The following CPSF6 variants were observed in gnomAD, a reference collection of about 807,000 sequenced individuals.
CPSF6 encodes the protein cleavage and polyadenylation specific factor 6.
A neutral mutation model predicts 56.7 loss-of-function variants in CPSF6; 10 were observed. The observed-to-expected ratio is 0.18, with a 90% CI of 0.11 to 0.30. The LOEUF (loss-of-function observed/expected upper bound fraction) is 0.30. Ranked by LOEUF, CPSF6 falls within the 10% of genes least tolerant of loss-of-function variation. CPSF6 has a pLI of 1.00. For missense variants in CPSF6, 419 were observed against 722.9 expected (o/e 0.58, Z 4.82); for synonymous variants, 248 against 244.8 (o/e 1.01, Z -0.12).
At position 69,262,322 on chromosome 12, in the gene CPSF6, T is replaced by G. The variant is rs150602172; in HGVS notation, c.1470-51T>G. On this transcript the variant is annotated intron_variant, in intron 8 of 9. Coordinates refer to ENST00000435070, the MANE Select transcript of CPSF6 (RefSeq NM_007007.3). ...TTTAGACATCAAAAAATTGAATATT[T>G]TTAGGCTATCTAATTATGGAGAGCA... 5.1e-4 allele frequency: 744 copies of G among 1,466,966 alleles called. 5 individuals are homozygous for G. The East Asian group carries it at 0.017, about 33-fold the overall frequency. The allele number at this position is 1,466,966 out of a possible 1,614,324, so 90.9% of individuals were successfully genotyped here. A position where few individuals can be genotyped will look rare whatever the true frequency, so the allele number is the denominator to read the frequency against.
At chr12:69,252,564 CAT>C (rs1379898802) in intron 2 of CPSF6, among the ~76,000 whole-genome samples, 1 of 152,004 alleles carries the variant, frequency 6.6e-6, no homozygotes, top group Non-Finnish European at 1.5e-5. Flanking sequence ...TCTATTGTAT[CAT>C]GTGTAAAATG....
chr12:69,246,720 C>T (rs908849622), intron 1 of CPSF6, among the ~76,000 whole-genome samples: 3 of 152,102 alleles, frequency 2.0e-5, no homozygotes, highest in Non-Finnish European at 4.4e-5. Flanking sequence ...GTAACTTCCC[C>T]CCTTCATATA....
At chr12:69,252,891 TG>T (rs1872319176) in intron 2 of CPSF6, among the ~76,000 whole-genome samples, 159 bp from the exon 3 acceptor site, 1 of 152,194 alleles carries the variant, frequency 6.6e-6, no homozygotes, top group South Asian at 2.1e-4. Flanking sequence ...GTTTTTGTGC[TG>T]TTTAAAAATT....
intron 2 of CPSF6, among the ~76,000 whole-genome samples, chr12:69,252,822 G>A (rs181309498): frequency 7.0e-4 from 107 of 152,180 alleles, no homozygotes; most frequent in African/African-American, 2.6e-3. Flanking sequence ...TAACCCCAAG[G>A]GTATATACCT....
In CPSF6 at chr12:69,262,575, T is replaced by A. The variant is rs1872792332; in HGVS notation, c.*3+13T>A. 6.3e-7 allele frequency: 1 copy of A among 1,599,026 alleles called. No individual in the cohort carries two copies. On this transcript the variant is annotated intron_variant, in intron 9 of 9. Coordinates refer to ENST00000435070, the MANE Select transcript of CPSF6 (RefSeq NM_007007.3). ...TCATCGTTAGAAGGTGGGTATTCCT[T>A]GTTCCCTGTTAAATGTGTGTGTATT...
intron 3 of CPSF6, among the ~76,000 whole-genome samples, chr12:69,254,216 A>G (rs757421434): frequency 8.6e-5 from 13 of 151,986 alleles, no homozygotes; most frequent in Non-Finnish European, 1.6e-4. Flanking sequence ...CAATCTTCTC[A>G]TGGTTTCCTG....
chr12:69,262,398 C>G lies in CPSF6; in HGVS notation c.1495C>G (p.His499Asp). The G allele has an allele frequency of 6.2e-7, 1 of 1,607,852 alleles. No homozygotes were observed. Residue 499 changes from histidine to aspartate, a missense_variant, in exon 9 of 10, where the codon CAT becomes GAT. By Grantham distance (81) the His-to-Asp change is moderately conservative (BLOSUM62 -1). Transcript: ENST00000435070. ...ACGTGAACGATCAAGAGAGAGGGAC[C>G]ATAGTAGATCACGAGAAAAGAGTCG... ...SRRERSRERDHSRSREKSRRH... is the reference protein window; with the variant it reads ...SRRERSRERDDSRSREKSRRH...
chr12:69,260,006 A>G, intron 7 of CPSF6, 38 bp from the exon 8 acceptor site: 1 of 1,601,100 alleles, frequency 6.2e-7, no homozygotes, highest in Non-Finnish European at 8.5e-7. Flanking sequence ...TTGAAAACAA[A>G]ATTTGTTTGA....
chr12:69,268,354 T>C (rs1873090984), intron 9 of CPSF6, among the ~76,000 whole-genome samples: 1 of 151,800 alleles, frequency 6.6e-6, no homozygotes, highest in Non-Finnish European at 1.5e-5. Context: ...TTTTTTTCTT[T>C]TGCAGTTTTA....
At chr12:69,268,026 AC>A (rs1264934245) in intron 9 of CPSF6, among the ~76,000 whole-genome samples, 1 of 151,794 alleles carries the variant, frequency 6.6e-6, no homozygotes, top group Non-Finnish European at 1.5e-5. Flanking sequence ...TTCCAGCGCA[AC>A]AGAAAATTTA....
intron 8 of CPSF6, 122 bp downstream of exon 8, chr12:69,260,319 GTTT>G: frequency 5.2e-6 from 3 of 575,606 alleles, no homozygotes; most frequent in African/African-American, 2.0e-5. Flanking sequence ...AGCTGGAGTG[GTTT>G]TTTTTTTTAA....
intron 2 of CPSF6, chr12:69,252,049 T>C (rs1314660396): frequency 4.4e-6 from 2 of 455,830 alleles, no homozygotes; most frequent in African/African-American, 4.0e-5. Flanking sequence ...AATAACACTG[T>C]ATTTTTAAAC....
At chr12:69,267,336 G>A (rs2120639951) in intron 9 of CPSF6, among the ~76,000 whole-genome samples, 1 of 152,058 alleles carries the variant, frequency 6.6e-6, no homozygotes, top group South Asian at 2.1e-4. Flanking sequence ...GTACTTCTCT[G>A]TGTGTTGAAA....
In CPSF6 at chr12:69,239,610, A is replaced by AGGC. The variant is rs574075893; in HGVS notation, c.-18_-16dup. ...CTGCCGCGGCGGGCAGACCTGCAGG[A>AGGC]GGCGGCGGCGGCGGCGGCGGCCGAG... On this transcript the variant is annotated 5_prime_UTR_variant, in exon 1 of 10. Transcript: ENST00000435070. The AGGC allele has an allele frequency of 1.1e-3, 1,653 of 1,472,198 alleles. 3 individuals carry two copies. Among genetic ancestry groups the AGGC allele is most frequent in the African/African-American group, 7.1e-3 (484 of 68,402 alleles). The allele number at this position is 1,472,198 out of a possible 1,614,324, so 91.2% of individuals were successfully genotyped here.
chr12:69,243,909 C>T (rs1410683548), intron 1 of CPSF6, among the ~76,000 whole-genome samples: 2 of 152,178 alleles, frequency 1.3e-5, no homozygotes, highest in Non-Finnish European at 2.9e-5. Flanking sequence ...TTGTGGCTCA[C>T]TGCAGCCTTT....
rs1044803443 is a variant in CPSF6 at position 69,273,067 on chromosome 12, G to A, written c.*3559G>A. On this transcript the variant is annotated 3_prime_UTR_variant, in exon 10 of 10. Transcript: ENST00000435070. ...GGCATTCCTTGTGTTCGTAATGTGA[G>A]ATTTTTGATTTAGATAAATCAAGAT... 6.3e-6 allele frequency: 2 copies of A among 318,678 alleles called. No individual in the cohort carries two copies. Among genetic ancestry groups the A allele is most frequent in the Non-Finnish European group, 1.4e-5 (2 of 147,564 alleles). 19.7% of individuals were successfully genotyped at this position (318,678 alleles called of 1,614,324 possible).
At chr12:69,254,266 G>A (rs890235670) in intron 3 of CPSF6, among the ~76,000 whole-genome samples, 1 of 152,036 alleles carries the variant, frequency 6.6e-6, no homozygotes, top group Admixed American at 6.6e-5. Context: ...GGTACTTTCT[G>A]GTCTGTTTTC....
chr12:69,259,641 A>G, intron 7 of CPSF6, 98 bp downstream of exon 7: 1 of 985,852 alleles, frequency 1.0e-6, no homozygotes, highest in Non-Finnish European at 1.5e-6. Flanking sequence ...TACATGTAGT[A>G]GTTCTTTTTA....
intron 9 of CPSF6, among the ~76,000 whole-genome samples, chr12:69,263,895 AC>A (rs1872856613): frequency 6.6e-6 from 1 of 152,078 alleles, no homozygotes; most frequent in African/African-American, 2.4e-5. Flanking sequence ...GAATATCAAA[AC>A]TTTAATTTGT....
Sources: gnomAD v4.1 joint callset for allele counts (sites outside exome capture counted in the v4.1 genomes callset) on GRCh38, gnomAD v4.1.1 for gene constraint, MANE v1.5 for transcripts, NCBI Gene and HGNC (gene_info 2026-07-23, HGNC 2026-07-21) for gene names.